The following ATP6V1A variants were observed in gnomAD, a reference collection of about 807,000 sequenced individuals.
The protein encoded by ATP6V1A is V-type proton ATPase catalytic subunit A.
Under a neutral mutation model 70.1 loss-of-function variants are expected in ATP6V1A, and 18 were observed. The observed-to-expected ratio is 0.26, with a 90% CI of 0.18 to 0.38. The LOEUF is 0.38. Among genes scored for constraint, ATP6V1A ranks in the 10% least tolerant of loss-of-function variants. The pLI is 1.00. For missense variants in ATP6V1A, 424 were observed against 772.4 expected, an observed-to-expected ratio of 0.55 and a Z score of 5.35; for synonymous variants, 232 against 253.8, an observed-to-expected ratio of 0.91 and a Z score of 0.82.
intron 1 of ATP6V1A, among the ~76,000 whole-genome samples, chr3:113,768,325 T>C (rs1215463795): frequency 3.9e-5 from 6 of 152,204 alleles, no homozygotes; most frequent in Admixed American, 6.5e-5. Flanking sequence ...CTTAACCTTT[T>C]GGTTTATTTT....
chr3:113,786,805 C>A (rs1283331216), intron 6 of ATP6V1A, among the ~76,000 whole-genome samples: 1 of 150,274 alleles, frequency 6.7e-6, no homozygotes. Flanking sequence ...GAGACAGGAT[C>A]TCACTCTGTC....
At chr3:113,785,864 CTTTT>C (rs567833457) in intron 5 of ATP6V1A, among the ~76,000 whole-genome samples, 3 of 130,804 alleles carry the variant, frequency 2.3e-5, no homozygotes, top group South Asian at 2.5e-4. Flanking sequence ...TTCTTTCTTT[CTTTT>C]TTTTTTTTTT....
At chr3:113,763,864 T>A (rs1708735870) in intron 1 of ATP6V1A, among the ~76,000 whole-genome samples, 1 of 151,294 alleles carries the variant, frequency 6.6e-6, no homozygotes, top group Admixed American at 6.6e-5. Context: ...TCTGTGTGTT[T>A]GTAAGAATTG....
intron 6 of ATP6V1A, among the ~76,000 whole-genome samples, chr3:113,788,291 A>T: frequency 6.7e-6 from 1 of 150,238 alleles, no homozygotes; most frequent in South Asian, 2.1e-4. Flanking sequence ...TCTTTCTTTA[A>T]CTTGTGTTTT....
At chr3:113,772,811 G>A (rs1015953781) in intron 1 of ATP6V1A, among the ~76,000 whole-genome samples, 11 of 151,592 alleles carry the variant, frequency 7.3e-5, no homozygotes, top group Non-Finnish European at 8.8e-5. Context: ...TATGAAAGAT[G>A]TGGTAAGAGC....
intron 14 of ATP6V1A, among the ~76,000 whole-genome samples, chr3:113,808,608 A>C (rs185202345): frequency 6.6e-6 from 1 of 152,024 alleles, no homozygotes; most frequent in Non-Finnish European, 1.5e-5. Context: ...TCTTTTATAC[A>C]TATTACTCAG....
At chr3:113,764,362 T>C (rs892257407) in intron 1 of ATP6V1A, among the ~76,000 whole-genome samples, 4 of 152,222 alleles carry the variant, frequency 2.6e-5, no homozygotes, top group African/African-American at 9.7e-5. Context: ...TGGAATAGTA[T>C]ACAGTTTAAG....
chr3:113,789,763 C>A lies in ATP6V1A; in HGVS notation c.911C>A (p.Ser304Ter). The change falls in exon 8 of 15, where the codon TCA becomes TAA. Residue 304 changes from serine to a stop codon, truncating the protein, a stop_gained. Transcript: ENST00000273398. LOFTEE classifies it high-confidence loss of function. ...LTMEVDGKVE[S>*]IMKRTALVAN... ...ATGGAGGTTGATGGTAAGGTAGAGT[C>A]AATTATGAAGAGGACAGCTTTGGTA... 2 of 1,612,606 alleles carry A rather than the reference C, an allele frequency of 1.2e-6. No individual in the cohort carries two copies. Among genetic ancestry groups the A allele is most frequent in the South Asian group, 2.2e-5 (2 of 91,020 alleles).
Position 113,795,878 on chromosome 3 carries a change from T to C in ATP6V1A, c.1229T>C (p.Val410Ala). ...REGSVSIVGA[V>A]SPPGGDFSDP... Reference sequence around the variant, plus strand: ...GACCATATTTTTTTTAAATTTAGAGTTTCTCCACCTGGTGGTGATTTTTCT... The same window carrying C: ...GACCATATTTTTTTTAAATTTAGAGCTTCTCCACCTGGTGGTGATTTTTCT... Residue 410 changes from valine to alanine, a missense_variant and splice_region_variant, in exon 11 of 15, where the codon GTT (valine) becomes GCT (alanine). By Grantham distance (64) the Val-to-Ala change is moderately conservative. Around this residue, in one of 9 missense-constraint regions of ATP6V1A, gnomAD observed 58 missense variants for 181.5 expected, o/e 0.32. Coordinates refer to ENST00000273398, the MANE Select transcript of ATP6V1A (RefSeq NM_001690.4). 6.2e-7 allele frequency: 1 copy of C among 1,607,306 alleles called. No individual in the cohort carries two copies. The highest frequency in any genetic ancestry group is 1.1e-5 in the South Asian group (1 of 89,196).
intron 1 of ATP6V1A, among the ~76,000 whole-genome samples, chr3:113,762,874 G>A (rs903734830): frequency 4.6e-5 from 7 of 152,018 alleles, no homozygotes; most frequent in East Asian, 1.9e-4. Flanking sequence ...CAATAAACAC[G>A]TATATAAATA....
intron 2 of ATP6V1A, chr3:113,780,759 T>G: frequency 7.7e-7 from 1 of 1,307,064 alleles, no homozygotes; most frequent in South Asian, 1.2e-5. Flanking sequence ...ATAGCAACTC[T>G]CAGAACATAC....
chr3:113,765,867 CA>C (rs780963063), intron 1 of ATP6V1A, among the ~76,000 whole-genome samples: 4 of 151,738 alleles, frequency 2.6e-5, no homozygotes, highest in Non-Finnish European at 5.9e-5. Flanking sequence ...GCGGAGGTTG[CA>C]GTGAGCCGAG....
chr3:113,750,909 G>A (rs1708578974), intron 1 of ATP6V1A, among the ~76,000 whole-genome samples: 2 of 152,128 alleles, frequency 1.3e-5, no homozygotes, highest in African/African-American at 4.8e-5. Context: ...CAAGAAAAGT[G>A]TACTTGTAGC....
intron 12 of ATP6V1A, among the ~76,000 whole-genome samples, chr3:113,799,868 T>C (rs1223114994): frequency 6.6e-6 from 1 of 152,054 alleles, no homozygotes; most frequent in Non-Finnish European, 1.5e-5. Context: ...TTTAAACTAA[T>C]AAATGAAACA....
intron 1 of ATP6V1A, among the ~76,000 whole-genome samples, chr3:113,767,241 G>A (rs777667472): frequency 2.3e-4 from 35 of 151,866 alleles, no homozygotes; most frequent in Non-Finnish European, 3.8e-4. Context: ...ACAGGCACAC[G>A]CCGCCATGCC....
rs1039326018 is a variant in ATP6V1A at position 113,810,109 on chromosome 3, C to T, written c.*682C>T. 6.6e-5 allele frequency: 10 copies of T among 151,190 alleles called. No individual in the cohort carries two copies. Among genetic ancestry groups the T allele is most frequent in the African/African-American group, 2.4e-4 (10 of 41,062 alleles). 9.4% of individuals were successfully genotyped at this position (151,190 alleles called of 1,614,324 possible). A position where few individuals can be genotyped will look rare whatever the true frequency, so the allele number is the denominator to read the frequency against. ...CCAGGCTGGAGTGCAATGGCGTGAT[C>T]TTGGCTCACTGCAGCCTTCGCCTCC... On this transcript the variant is annotated 3_prime_UTR_variant, in exon 15 of 15. Transcript: ENST00000273398.
At chr3:113,767,750 C>G (rs1224002305) in intron 1 of ATP6V1A, among the ~76,000 whole-genome samples, 1 of 152,022 alleles carries the variant, frequency 6.6e-6, no homozygotes, top group African/African-American at 2.4e-5. Context: ...CTCCTGGGTT[C>G]AAGCAATTCT....
At position 113,810,742 on chromosome 3, in the gene ATP6V1A, G is replaced by A. The variant is rs1467020106; in HGVS notation, c.*1315G>A. ...GGCTGTAGTGATTCCTGGGGCCAGA[G>A]TGGCATTATGTTTTTACAAAATAAT... On this transcript the variant is annotated 3_prime_UTR_variant, in exon 15 of 15. Transcript: ENST00000273398. The A allele has an allele frequency of 6.6e-6, 1 of 152,210 alleles. No individual in the cohort carries two copies. The highest frequency in any genetic ancestry group is 1.5e-5 in the Non-Finnish European group (1 of 68,036). The allele number at this position is 152,210 out of a possible 1,614,324, so 9.4% of individuals were successfully genotyped here. A position where few individuals can be genotyped will look rare whatever the true frequency, so the allele number is the denominator to read the frequency against.
intron 1 of ATP6V1A, chr3:113,747,516 CA>C: frequency 6.6e-6 from 1 of 152,482 alleles, no homozygotes; most frequent in Non-Finnish European, 1.5e-5. Flanking sequence ...GGGGAGGTAG[CA>C]AAAACCCTGG....
Sources: allele counts gnomAD v4.1 joint callset (sites outside exome capture counted in the v4.1 genomes callset), GRCh38; gene constraint gnomAD v4.1.1; regional missense constraint gnomAD v4.1.1; transcripts MANE v1.5; gene names NCBI Gene and HGNC (gene_info 2026-07-23, HGNC 2026-07-21).